The following FER1L6 variants were observed in gnomAD, a reference collection of about 807,000 sequenced individuals.
The protein encoded by FER1L6 is fer-1-like protein 6.
FER1L6 carries 177 observed loss-of-function variants against 219.2 expected under a neutral mutation model. That is an observed-to-expected ratio of 0.81 (90% confidence interval 0.71 to 0.91). The LOEUF (loss-of-function observed/expected upper bound fraction) is 0.91, where lower values mean the gene tolerates loss of function less well. Ranked by LOEUF, FER1L6 falls within the 40% of genes least tolerant of loss-of-function variation. FER1L6 has a pLI of 0.00. For synonymous variants in FER1L6, 768 were observed against 824.3 expected, an observed-to-expected ratio of 0.93 and a Z score of 1.17; for missense variants, 2,153 against 2,259.9, an observed-to-expected ratio of 0.95 and a Z score of 0.96.
intron 5 of FER1L6, among the ~76,000 whole-genome samples, chr8:123,967,582 T>C (rs1440673573): frequency 6.6e-6 from 1 of 152,234 alleles, no homozygotes; most frequent in Non-Finnish European, 1.5e-5. Flanking sequence ...TATACTCAAA[T>C]GAACAGTGCA....
intron 1 of FER1L6, among the ~76,000 whole-genome samples, chr8:123,952,464 G>C (rs926978897): frequency 6.6e-6 from 1 of 152,190 alleles, no homozygotes; most frequent in Non-Finnish European, 1.5e-5. Flanking sequence ...ACCCTGAGGA[G>C]ACCAGGTTGG....
intron 13 of FER1L6, among the ~76,000 whole-genome samples, chr8:124,008,325 A>G (rs1817761090): frequency 6.6e-6 from 1 of 152,186 alleles, no homozygotes; most frequent in African/African-American, 2.4e-5. Context: ...CACACACACC[A>G]CAGTTTCTTT....
At chr8:123,877,748 T>C (rs998474584) in intron 1 of FER1L6, among the ~76,000 whole-genome samples, 10 of 150,442 alleles carry the variant, frequency 6.6e-5, no homozygotes, top group African/African-American at 2.5e-4. Context: ...TTAACTTTGG[T>C]TTCTCTACCA....
At chr8:124,003,830 A>G (rs112852224) in intron 13 of FER1L6, among the ~76,000 whole-genome samples, 306 of 152,212 alleles carry the variant, frequency 2.0e-3, no homozygotes, top group Non-Finnish European at 2.9e-3. Flanking sequence ...GAAGGTAAGT[A>G]CCACTCAACT....
intron 11 of FER1L6, chr8:123,984,934 G>A (rs1321580450): frequency 2.6e-5 from 4 of 152,202 alleles, no homozygotes; most frequent in African/African-American, 9.7e-5. Context: ...AGCACAGAAT[G>A]TATGGGTCCA....
intron 12 of FER1L6, among the ~76,000 whole-genome samples, chr8:123,994,161 G>T (rs1343236522): frequency 6.6e-6 from 1 of 152,194 alleles, no homozygotes; most frequent in Admixed American, 6.5e-5. Flanking sequence ...TGGGATTTGT[G>T]CTTGCCTTAT....
intron 1 of FER1L6, 126 bp from the exon 2 acceptor site, chr8:123,955,866 C>A: frequency 1.2e-6 from 1 of 814,478 alleles, no homozygotes; most frequent in Non-Finnish European, 2.0e-6. Context: ...GTCTTTTGCC[C>A]TCATCCTGGG....
chr8:123,892,137 T>A (rs745840052), intron 1 of FER1L6, among the ~76,000 whole-genome samples: 1 of 152,178 alleles, frequency 6.6e-6, no homozygotes, highest in African/African-American at 2.4e-5. Context: ...GATTTGTTTA[T>A]AAGGCTCTAT....
chr8:124,101,282 C>T lies in FER1L6; in HGVS notation c.5069C>T (p.Ala1690Val), dbSNP rs1325011569. ...GAGAAGATGGAGTGTAAGACTCCTG[C>T]TGTGTTGGTGCTGCAGGTTTGGGAT... ...SLEKMECKTP[A>V]VLVLQVWDFE... The change falls in exon 38 of 41, where the codon GCT becomes GTT. Residue 1690 changes from alanine to valine, a missense_variant. Transcript: ENST00000522917. The T allele has an allele frequency of 6.2e-7, 1 of 1,613,788 alleles. No individual in the cohort carries two copies. Among genetic ancestry groups the T allele is most frequent in the Admixed American group, 1.7e-5 (1 of 59,996 alleles).
intron 17 of FER1L6, 88 bp downstream of exon 17, chr8:124,021,757 G>A (rs1818463003): frequency 6.7e-7 from 1 of 1,499,906 alleles, no homozygotes; most frequent in African/African-American, 1.4e-5. Context: ...GGTGAAATAT[G>A]AATCAATGTT....
At chr8:124,079,497 G>A (rs1322311741) in intron 32 of FER1L6, among the ~76,000 whole-genome samples, 3 of 152,134 alleles carry the variant, frequency 2.0e-5, no homozygotes, top group African/African-American at 4.8e-5. Context: ...CTGGATTAGC[G>A]TTTGATTGAA....
chr8:124,006,596 A>G (rs745315915), intron 13 of FER1L6, among the ~76,000 whole-genome samples: 4 of 152,212 alleles, frequency 2.6e-5, no homozygotes, highest in South Asian at 4.1e-4. Flanking sequence ...TGGGCTTTCC[A>G]GTGTTGCAAA....
chr8:124,116,644 C>T (rs1386187586), intron 39 of FER1L6, among the ~76,000 whole-genome samples: 1 of 152,230 alleles, frequency 6.6e-6, no homozygotes, highest in African/African-American at 2.4e-5. Flanking sequence ...GTGGCCCTAA[C>T]TTATTCTCTG....
At chr8:123,991,462 C>G (rs935064308) in intron 12 of FER1L6, among the ~76,000 whole-genome samples, 9 of 151,280 alleles carry the variant, frequency 5.9e-5, no homozygotes, top group African/African-American at 2.2e-4. Context: ...TTCTTTTTTG[C>G]AGCTATTGTA....
chr8:123,964,595 G>C (rs1320947925), intron 3 of FER1L6, among the ~76,000 whole-genome samples: 1 of 152,104 alleles, frequency 6.6e-6, no homozygotes, highest in Non-Finnish European at 1.5e-5. Context: ...TCTGAATAGG[G>C]ATTTCAGTCA....
In FER1L6 at chr8:124,098,694, A is replaced by C. The variant is rs552584360; in HGVS notation, c.4883+811A>C. Among the ~76,000 whole-genome samples, 19 of 152,334 alleles carry C rather than the reference A, an allele frequency of 1.2e-4. No homozygotes were observed. The South Asian group carries it at 3.9e-3, about 32-fold the overall frequency. ...TTGCTATCTCATCACCAGTTTAGGA[A>C]AGATTAATGTATCCTGTAAATAGGT... On this transcript the variant is annotated intron_variant, in intron 37 of 40. Coordinates refer to ENST00000522917, the MANE Select transcript of FER1L6 (RefSeq NM_001039112.2).
chr8:123,926,311 G>T (rs36044469), intron 1 of FER1L6, among the ~76,000 whole-genome samples: 61,792 of 151,934 alleles, frequency 0.41, 12,930 homozygotes, highest in South Asian at 0.53. Context: ...TAAGAATCCC[G>T]GTGGCTTACT....
At chr8:123,948,677 A>G (rs966530709) in intron 1 of FER1L6, among the ~76,000 whole-genome samples, 1 of 152,152 alleles carries the variant, frequency 6.6e-6, no homozygotes, top group Non-Finnish European at 1.5e-5. Context: ...GTTTCTAGGT[A>G]TCCTGCTAAA....
At chr8:123,870,676 C>A (rs898510349) in intron 1 of FER1L6, among the ~76,000 whole-genome samples, 2 of 152,162 alleles carry the variant, frequency 1.3e-5, no homozygotes, top group African/African-American at 4.8e-5. Context: ...ATAGGTGAAA[C>A]AAAGGAAATG....
Sources: allele counts gnomAD v4.1 joint callset (sites outside exome capture counted in the v4.1 genomes callset), GRCh38; gene constraint gnomAD v4.1.1; transcripts MANE v1.5; gene names NCBI Gene and HGNC (gene_info 2026-07-23, HGNC 2026-07-21).